Variants in BMPR1B observed in about 807,000 individuals in gnomAD.
BMPR1B encodes the protein bone morphogenetic protein receptor type-1B.
BMPR1B carries 12 observed loss-of-function variants against 59.1 expected under a neutral mutation model. The ratio of observed to expected loss-of-function variants is 0.20; its 90% CI spans 0.13 to 0.33. The LOEUF is 0.33. BMPR1B is among the 10% of genes least tolerant of loss of function. The pLI, the probability that BMPR1B is intolerant of heterozygous loss-of-function variation, is 1.00. For synonymous variants in BMPR1B, 237 were observed against 207.3 expected, an observed-to-expected ratio of 1.14 and a Z score of -1.23; for missense variants, 550 against 610.9, an observed-to-expected ratio of 0.90 and a Z score of 1.05.
At chr4:94,924,518 C>T (rs1728813838) in intron 2 of BMPR1B, among the ~76,000 whole-genome samples, 1 of 152,080 alleles carries the variant, frequency 6.6e-6, no homozygotes, top group African/African-American at 2.4e-5. Flanking sequence ...AGAGTGGGGA[C>T]AGAAGCCTCA....
intron 2 of BMPR1B, among the ~76,000 whole-genome samples, chr4:94,989,334 A>G (rs1397109333): frequency 6.6e-6 from 1 of 150,722 alleles, no homozygotes; most frequent in South Asian, 2.1e-4. Flanking sequence ...GGTTGCAGTG[A>G]GCTGAGATTG....
In BMPR1B at chr4:94,959,941, C is replaced by T. The variant is rs116666276; in HGVS notation, c.-112-36099C>T. Among the ~76,000 whole-genome samples, 4 of 152,176 alleles carry T rather than the reference C, an allele frequency of 2.6e-5. No individual in the cohort carries two copies. The East Asian group carries it at 5.8e-4, about 22-fold the overall frequency. ...AGTGTTCAAAGATTTAAATGTTAAT[C>T]GAATTATCTGCATGTTTTCAGTGTC... On this transcript the variant is annotated intron_variant, in intron 2 of 12. Transcript: ENST00000515059.
At chr4:94,897,203 A>G (rs1007836866) in intron 2 of BMPR1B, among the ~76,000 whole-genome samples, 2 of 152,046 alleles carry the variant, frequency 1.3e-5, no homozygotes, top group Admixed American at 1.3e-4. Flanking sequence ...CCAGTCTGGA[A>G]TGACATGACT....
chr4:95,031,137 TA>T (rs1337996328), intron 3 of BMPR1B, among the ~76,000 whole-genome samples: 1 of 152,158 alleles, frequency 6.6e-6, no homozygotes, highest in Non-Finnish European at 1.5e-5. Context: ...AAGGCTACAG[TA>T]ACCAAAACAG....
intron 2 of BMPR1B, among the ~76,000 whole-genome samples, chr4:94,905,738 G>A (rs1415307952): frequency 6.6e-6 from 1 of 151,930 alleles, no homozygotes; most frequent in Non-Finnish European, 1.5e-5. Context: ...GGCTTCTATG[G>A]CTTAACTAGA....
At chr4:94,870,518 A>G (rs1726445587) in intron 1 of BMPR1B, among the ~76,000 whole-genome samples, 1 of 152,204 alleles carries the variant, frequency 6.6e-6, no homozygotes, top group Admixed American at 6.5e-5. Flanking sequence ...TTTTGGATTA[A>G]TAGCATCTTT....
chr4:94,944,194 C>T (rs1042507854), intron 2 of BMPR1B, among the ~76,000 whole-genome samples: 32 of 152,050 alleles, frequency 2.1e-4, no homozygotes, highest in Non-Finnish European at 4.3e-4. Context: ...CAAAAAATTC[C>T]AAAACCTGAA....
intron 3 of BMPR1B, among the ~76,000 whole-genome samples, chr4:95,009,747 C>G (rs1292498069): frequency 6.6e-6 from 1 of 152,010 alleles, no homozygotes; most frequent in Non-Finnish European, 1.5e-5. Flanking sequence ...AAATGGTGGG[C>G]TCTGAATTTA....
At chr4:94,935,542 A>G (rs1729261264) in intron 2 of BMPR1B, among the ~76,000 whole-genome samples, 2 of 152,240 alleles carry the variant, frequency 1.3e-5, no homozygotes, top group Non-Finnish European at 2.9e-5. Flanking sequence ...AAGAAAATCA[A>G]GACAAGGCTG....
intron 1 of BMPR1B, among the ~76,000 whole-genome samples, chr4:94,852,675 T>C (rs1725611387): frequency 6.6e-6 from 1 of 152,142 alleles, no homozygotes; most frequent in South Asian, 2.1e-4. Flanking sequence ...TTGCATTCCA[T>C]GTAACTTATC....
intron 2 of BMPR1B, among the ~76,000 whole-genome samples, chr4:94,973,582 A>G (rs1730895750): frequency 6.6e-6 from 1 of 152,154 alleles, no homozygotes; most frequent in South Asian, 2.1e-4. Context: ...TGGAGTTTTT[A>G]TAAACACAGG....
At chr4:94,851,580 T>G (rs1725567195) in intron 1 of BMPR1B, among the ~76,000 whole-genome samples, 1 of 152,124 alleles carries the variant, frequency 6.6e-6, no homozygotes, top group Admixed American at 6.6e-5. Flanking sequence ...ATTTTAAAAA[T>G]TATTTACTTT....
At chr4:95,044,729 G>A (rs1262385125) in intron 3 of BMPR1B, among the ~76,000 whole-genome samples, 1 of 152,132 alleles carries the variant, frequency 6.6e-6, no homozygotes. Flanking sequence ...GGGAGCTTTG[G>A]GTTGTTAATG....
At chr4:95,136,816 C>G (rs1733828345) in intron 10 of BMPR1B, among the ~76,000 whole-genome samples, 1 of 151,932 alleles carries the variant, frequency 6.6e-6, no homozygotes, top group Non-Finnish European at 1.5e-5. Flanking sequence ...CTTTATTAGT[C>G]TTTCTAGCAG....
intron 1 of BMPR1B, among the ~76,000 whole-genome samples, chr4:94,779,213 C>T (rs1420389115): frequency 1.3e-5 from 2 of 151,812 alleles, no homozygotes; most frequent in African/African-American, 4.8e-5. Context: ...TATGTGTAAC[C>T]TATTTATGTA....
chr4:94,812,702 G>A (rs1436413769), intron 1 of BMPR1B, among the ~76,000 whole-genome samples: 2 of 152,162 alleles, frequency 1.3e-5, no homozygotes, highest in Non-Finnish European at 2.9e-5. Context: ...TCCCTGGGAG[G>A]GGGAGCACGG....
chr4:94,953,000 T>G (rs1416507408), intron 2 of BMPR1B, among the ~76,000 whole-genome samples: 1 of 152,236 alleles, frequency 6.6e-6, no homozygotes, highest in South Asian at 2.1e-4. Context: ...ATTGATCCCT[T>G]TACCATTATG....
chr4:94,818,352 A>G (rs1313445906), intron 1 of BMPR1B, among the ~76,000 whole-genome samples: 1 of 152,208 alleles, frequency 6.6e-6, no homozygotes, highest in African/African-American at 2.4e-5. Flanking sequence ...ACTATTTAGA[A>G]TAGGTACTAT....
At chr4:94,921,302 C>T (rs7675431) in intron 2 of BMPR1B, among the ~76,000 whole-genome samples, 36,595 of 152,048 alleles carry the variant, frequency 0.24, 5,298 homozygotes, top group African/African-American at 0.4. Context: ...AATAGTAATA[C>T]TGTATTCTAT....
Sources: gnomAD v4.1 joint callset for allele counts (sites outside exome capture counted in the v4.1 genomes callset) on GRCh38, gnomAD v4.1.1 for gene constraint, MANE v1.5 for transcripts, NCBI Gene and HGNC (gene_info 2026-07-23, HGNC 2026-07-21) for gene names.